The following USH2A variants were observed in gnomAD, a reference collection of about 807,000 sequenced individuals.
USH2A encodes the protein Usher syndrome 2A (autosomal recessive, mild).
Under a neutral mutation model 538.9 loss-of-function variants are expected in USH2A, and 443 were observed. The observed-to-expected ratio is 0.82, with a 90% CI of 0.76 to 0.89. USH2A has a LOEUF of 0.89. USH2A is among the 40% of genes least tolerant of loss of function. The pLI is 0.00. For synonymous variants in USH2A, 2,413 were observed against 2,273.5 expected (o/e 1.06, Z -1.75); for missense variants, 6,633 against 6,324.8 (o/e 1.05, Z -1.65).
intron 49 of USH2A, among the ~76,000 whole-genome samples, chr1:215,809,095 A>T (rs1305989402): frequency 6.6e-6 from 1 of 152,168 alleles, no homozygotes. Flanking sequence ...AGGAGCAACG[A>T]GCTTATTGTA....
chr1:216,089,122 T>C lies in USH2A; in HGVS notation c.4776A>G (p.Val1592=). The C allele has an allele frequency of 6.2e-7, 1 of 1,613,132 alleles. No individual in the cohort carries two copies. Among genetic ancestry groups the C allele is most frequent in the Non-Finnish European group, 8.5e-7 (1 of 1,179,334 alleles). Residue 1592 remains valine (V), a synonymous_variant, in exon 23 of 72, where the codon GTA becomes GTG. Coordinates refer to ENST00000307340, the MANE Select transcript of USH2A (RefSeq NM_206933.4). ...LFDPQGSPVE[V]TTTNDHGKQY... ...GTTTGCCATGATCATTAGTTGTAGT[T>C]ACTTCCACTGGTGACCCCTTAAGGG... is the stretch of plus-strand genomic sequence containing the variant.
chr1:215,965,557 A>T, intron 36 of USH2A, 78 bp from the exon 37 acceptor site: 2 of 1,543,574 alleles, frequency 1.3e-6, no homozygotes, highest in Non-Finnish European at 1.8e-6. Context: ...TTCTTCAAAG[A>T]ATCTCTTTTT....
rs78758529 is a variant in USH2A at position 216,168,535 on chromosome 1, T to A, written c.4627+6717A>T. ...CTTGGGAAAAAATTTAGTTTACAAT[T>A]TAGTTTTGAAACAAAGATGGTAACA... On this transcript the variant is annotated intron_variant, in intron 21 of 71. Transcript: ENST00000307340. Among the ~76,000 whole-genome samples the A allele has an allele frequency of 8.0e-3, 1,225 of 152,244 alleles. 19 individuals are homozygous for A. Among genetic ancestry groups the A allele is most frequent in the African/African-American group, 0.029 (1,195 of 41,568 alleles).
chr1:215,906,805 G>A (rs367582765), intron 38 of USH2A, among the ~76,000 whole-genome samples: 1 of 151,976 alleles, frequency 6.6e-6, no homozygotes, highest in African/African-American at 2.4e-5. Context: ...TCATGTTAGC[G>A]AGAGAAAGAG....
chr1:216,217,140 T>A (rs2102495825), intron 15 of USH2A, among the ~76,000 whole-genome samples: 1 of 152,246 alleles, frequency 6.6e-6, no homozygotes, highest in East Asian at 1.9e-4. Context: ...CACCTCATTG[T>A]TGATTTCACT....
At position 215,808,916 on chromosome 1, in the gene USH2A, C is replaced by A. The variant is rs540281764; in HGVS notation, c.9739+4820G>T. Among the ~76,000 whole-genome samples, 11 of 152,052 alleles carry A rather than the reference C, an allele frequency of 7.2e-5. No homozygotes were observed. In the East Asian group the frequency reaches 2.1e-3, roughly 29 times the overall value. ...ATTTGCTTTTCTCTAGGGTAAATAT[C>A]CAGGACCGGATCAAGACATACTCAG... On this transcript the variant is annotated intron_variant, in intron 49 of 71. Coordinates refer to ENST00000307340, the MANE Select transcript of USH2A (RefSeq NM_206933.4).
chr1:215,693,339 G>C (rs1364380833), intron 61 of USH2A, among the ~76,000 whole-genome samples: 1 of 151,874 alleles, frequency 6.6e-6, no homozygotes. Flanking sequence ...CAAAGTTTTT[G>C]CTCCTACTAT....
At chr1:215,778,309 C>T (rs1661522696) in intron 55 of USH2A, among the ~76,000 whole-genome samples, 1 of 152,154 alleles carries the variant, frequency 6.6e-6, no homozygotes, top group African/African-American at 2.4e-5. Flanking sequence ...GCCTCGGCGT[C>T]CCAAAGTGCT....
rs189501910 is a variant in USH2A at position 215,698,738 on chromosome 1, G to A, written c.12067-18362C>T. ...CTGGATATTAGCCCTTTGTCAGATG[G>A]ATAGGTTGCAAAAATTTTCTCCCAT... On this transcript the variant is annotated intron_variant, in intron 61 of 71. Coordinates refer to ENST00000307340, the MANE Select transcript of USH2A (RefSeq NM_206933.4). Among the ~76,000 whole-genome samples, 93 of 152,178 alleles carry A rather than the reference G, an allele frequency of 6.1e-4. 1 individual carries two copies. The highest frequency in any genetic ancestry group is 1.5e-4 in the Non-Finnish European group (10 of 67,992).
At chr1:215,985,438 C>A (rs1037270766) in intron 35 of USH2A, among the ~76,000 whole-genome samples, 4 of 152,080 alleles carry the variant, frequency 2.6e-5, no homozygotes, top group Admixed American at 1.3e-4. Flanking sequence ...GTCATTCACA[C>A]CTTGCTTTGA....
chr1:216,290,638 C>T (rs532464835), intron 10 of USH2A, among the ~76,000 whole-genome samples: 1 of 152,268 alleles, frequency 6.6e-6, no homozygotes, highest in East Asian at 1.9e-4. Context: ...TGATTCTGAT[C>T]TTCTCTAAAG....
intron 21 of USH2A, among the ~76,000 whole-genome samples, chr1:216,098,786 G>A (rs1040231685): frequency 2.6e-5 from 4 of 151,624 alleles, no homozygotes; most frequent in Non-Finnish European, 3.0e-5. Context: ...ATGGTATAGG[G>A]ATGTATACAA....
intron 21 of USH2A, among the ~76,000 whole-genome samples, chr1:216,147,163 C>G (rs888077397): frequency 1.3e-5 from 2 of 151,898 alleles, no homozygotes; most frequent in African/African-American, 4.8e-5. Context: ...CCCCAAGCAT[C>G]GCTGAGTCTT....
intron 3 of USH2A, among the ~76,000 whole-genome samples, chr1:216,413,038 T>C (rs566619972): frequency 3.9e-4 from 60 of 152,228 alleles, no homozygotes; most frequent in African/African-American, 1.3e-3. Flanking sequence ...TTGTAACTGA[T>C]TGTTCTGAAA....
rs530719117 is a variant in USH2A, at chr1:215,880,521, T to C, written c.8224-1423A>G. On this transcript the variant is annotated intron_variant, in intron 41 of 71. Coordinates refer to ENST00000307340, the MANE Select transcript of USH2A (RefSeq NM_206933.4). Reference sequence around the variant, plus strand: ...GTTTTAGATGTGTTCCTTATAAACATAGAGGATTTGCCTGGATGTGGGGAA... The same window carrying C: ...GTTTTAGATGTGTTCCTTATAAACACAGAGGATTTGCCTGGATGTGGGGAA... 9.9e-5 allele frequency among the ~76,000 whole-genome samples: 15 copies of C among 152,264 alleles called. No homozygotes were observed. In the East Asian group the frequency reaches 2.5e-3, roughly 26 times the overall value.
chr1:216,079,124 G>A (rs1277863473), intron 26 of USH2A: 8 of 151,898 alleles, frequency 5.3e-5, no homozygotes, highest in South Asian at 2.1e-4. Context: ...CAATTGTGTC[G>A]AGTAAAACAA....
At chr1:216,382,055 T>C (rs1026726415) in intron 3 of USH2A, among the ~76,000 whole-genome samples, 10 of 152,212 alleles carry the variant, frequency 6.6e-5, no homozygotes, top group African/African-American at 2.4e-4. Context: ...TTTGTTCTAA[T>C]ACTGGATGAT....
intron 64 of USH2A, among the ~76,000 whole-genome samples, chr1:215,665,813 C>T (rs1258712982): frequency 1.3e-5 from 2 of 152,154 alleles, no homozygotes; most frequent in African/African-American, 4.8e-5. Context: ...TTCTGTAGCA[C>T]AAGCAAGACT....
At chr1:215,719,593 C>A (rs746118687) in intron 61 of USH2A, among the ~76,000 whole-genome samples, 10 of 152,258 alleles carry the variant, frequency 6.6e-5, no homozygotes, top group South Asian at 2.1e-4. Flanking sequence ...AAACCAGAAC[C>A]TTATCTACAT....
Sources: gnomAD v4.1 joint callset for allele counts (sites outside exome capture counted in the v4.1 genomes callset) on GRCh38, gnomAD v4.1.1 for gene constraint, MANE v1.5 for transcripts, NCBI Gene and HGNC (gene_info 2026-07-23, HGNC 2026-07-21) for gene names.